Variants in SLC26A8 observed in about 807,000 individuals in gnomAD.
SLC26A8 encodes testis anion transporter 1.
Under a neutral mutation model 105.0 loss-of-function variants are expected in SLC26A8, and 70 were observed. The observed-to-expected ratio is 0.67, with a 90% CI of 0.55 to 0.81. SLC26A8 has a LOEUF of 0.81. Ranked by LOEUF, SLC26A8 falls within the 40% of genes least tolerant of loss-of-function variation. The probability of loss-of-function intolerance (pLI) is 0.00; values close to 1 mark genes in which losing one functional copy is unlikely to be tolerated. For synonymous variants in SLC26A8, 415 were observed against 438.3 expected, an observed-to-expected ratio of 0.95 and a Z score of 0.66; for missense variants, 998 against 1,181.8, an observed-to-expected ratio of 0.84 and a Z score of 2.28.
At chr6:36,008,906 T>G (rs1410996350) in intron 3 of SLC26A8, among the ~76,000 whole-genome samples, 1 of 152,214 alleles carries the variant, frequency 6.6e-6, no homozygotes, top group Non-Finnish European at 1.5e-5. Context: ...ACTGGATCAC[T>G]GATAGATTGC....
intron 1 of SLC26A8, among the ~76,000 whole-genome samples, chr6:36,023,546 CAAAAA>C (rs59633591): frequency 3.1e-5 from 2 of 63,518 alleles, no homozygotes; most frequent in African/African-American, 5.7e-5. Flanking sequence ...GACTCTGTCT[CAAAAA>C]AAAAAAAAAA....
In SLC26A8 at chr6:35,955,367, G is replaced by A; in HGVS notation, c.2017C>T (p.Gln673Ter). The change falls in exon 17 of 20, where the codon CAA becomes TAA. Residue 673 changes from glutamine (Q) to a stop codon, truncating the protein, a stop_gained. Transcript: ENST00000490799. LOFTEE classifies it high-confidence loss of function. The stretch of plus-strand genomic sequence containing the variant: ...TCCACCTCCTCATACTGTTGCCCTT[G>A]ATTTTTCTGAGACACGGACGATACT... ...YTVSSVSQKN[Q>*]GQQYEEVEEV... The A allele has an allele frequency of 6.2e-7, 1 of 1,614,190 alleles. No homozygotes were observed. Among genetic ancestry groups the A allele is most frequent in the East Asian group, 2.2e-5 (1 of 44,892 alleles).
intron 11 of SLC26A8, among the ~76,000 whole-genome samples, chr6:35,967,896 C>G (rs1329156780): frequency 6.6e-6 from 1 of 152,170 alleles, no homozygotes; most frequent in Admixed American, 6.5e-5. Flanking sequence ...CTCGGTCACC[C>G]AGGCTGGAGT....
At position 35,955,459 on chromosome 6, in the gene SLC26A8, A is replaced by G. The variant is rs1371712728; in HGVS notation, c.1925T>C (p.Ile642Thr). The G allele has an allele frequency of 6.2e-7, 1 of 1,614,186 alleles. No individual in the cohort carries two copies. Among genetic ancestry groups the G allele is most frequent in the South Asian group, 1.1e-5 (1 of 91,088 alleles). ...CATGCTCTCAAAATGTGAGCAGTGAATCAGGTTAATGGAGGATGCTTCGGG... is the reference window on the plus strand; with the variant it reads ...CATGCTCTCAAAATGTGAGCAGTGAGTCAGGTTAATGGAGGATGCTTCGGG... ...LDPEASSINL[I>T]HCSHFESMNT... The change falls in exon 17 of 20, where the codon ATT becomes ACT. Residue 642 changes from isoleucine to threonine, a missense_variant. Ile to Thr is a moderately conservative substitution (Grantham distance 89, BLOSUM62 -1). Coordinates refer to ENST00000490799, the MANE Select transcript of SLC26A8 (RefSeq NM_052961.4).
chr6:35,985,018 G>A (rs1014804771), intron 7 of SLC26A8, among the ~76,000 whole-genome samples: 2 of 152,104 alleles, frequency 1.3e-5, no homozygotes, highest in African/African-American at 4.8e-5. Flanking sequence ...TCATTTGCAT[G>A]ACACAGCTTA....
chr6:35,970,213 A>G (rs1231644237), intron 10 of SLC26A8, among the ~76,000 whole-genome samples: 2 of 151,954 alleles, frequency 1.3e-5, no homozygotes, highest in African/African-American at 2.4e-5. Context: ...TGATTCTCTA[A>G]TTTTTCTCTG....
At chr6:36,014,863 C>A in intron 2 of SLC26A8, among the ~76,000 whole-genome samples, 1 of 151,298 alleles carries the variant, frequency 6.6e-6, no homozygotes, top group Admixed American at 6.6e-5. Flanking sequence ...GAGACTCTGG[C>A]TCAAAATAAA....
intron 1 of SLC26A8, among the ~76,000 whole-genome samples, chr6:36,023,511 C>A (rs1269999003): frequency 7.5e-6 from 1 of 134,198 alleles, no homozygotes; most frequent in African/African-American, 2.9e-5. Context: ...CAAACCACTG[C>A]ATTCCAGCCT....
chr6:35,985,432 T>C lies in SLC26A8; in HGVS notation c.943-3229A>G, dbSNP rs71569316. On this transcript the variant is annotated intron_variant, in intron 7 of 19. Transcript: ENST00000490799. Reference sequence around the variant, plus strand: ...AGAGAGGGCTGGGCATGGTGGCTCATGCCTGTAATCCCAGCACTTTGGGAG... The same window carrying C: ...AGAGAGGGCTGGGCATGGTGGCTCACGCCTGTAATCCCAGCACTTTGGGAG... 9.6e-4 allele frequency among the ~76,000 whole-genome samples: 146 copies of C among 152,052 alleles called. 2 individuals carry two copies. The highest frequency in any genetic ancestry group is 1.2e-3 in the Admixed American group (19 of 15,260).
chr6:35,985,530 T>C (rs1773470817), intron 7 of SLC26A8, among the ~76,000 whole-genome samples: 1 of 151,202 alleles, frequency 6.6e-6, no homozygotes, highest in Admixed American at 6.6e-5. Context: ...CCATCTCTAC[T>C]AAAAATAAAA....
At chr6:36,021,504 A>T (rs1383180325) in intron 1 of SLC26A8, among the ~76,000 whole-genome samples, 2 of 152,178 alleles carry the variant, frequency 1.3e-5, no homozygotes, top group Non-Finnish European at 2.9e-5. Flanking sequence ...TCTAGAACCC[A>T]GCATTTTGTT....
chr6:36,024,480 A>G, intron 1 of SLC26A8, 24 bp downstream of exon 1: 1 of 448,638 alleles, frequency 2.2e-6, no homozygotes, highest in Non-Finnish European at 4.4e-6. Context: ...CCCGGCGCCC[A>G]GGCGTCTCCC....
intron 5 of SLC26A8, 77 bp downstream of exon 5, chr6:35,997,661 G>A: frequency 7.3e-7 from 1 of 1,367,552 alleles, no homozygotes; most frequent in South Asian, 1.5e-5. Context: ...TGGATCACAG[G>A]AGCAGTATAA....
chr6:35,999,575 C>G (rs60162213), intron 4 of SLC26A8, among the ~76,000 whole-genome samples: 199 of 152,314 alleles, frequency 1.3e-3, no homozygotes, highest in African/African-American at 4.7e-3. Flanking sequence ...ACTGTGATAA[C>G]ATTTTCTCAC....
At chr6:35,970,988 T>C (rs779121266) in intron 10 of SLC26A8, among the ~76,000 whole-genome samples, 1 of 152,048 alleles carries the variant, frequency 6.6e-6, no homozygotes, top group Non-Finnish European at 1.5e-5. Context: ...ACCTCGCCAA[T>C]GCACTCCAGC....
chr6:36,013,660 A>C (rs1197028135), intron 2 of SLC26A8, among the ~76,000 whole-genome samples: 1 of 152,204 alleles, frequency 6.6e-6, no homozygotes, highest in Non-Finnish European at 1.5e-5. Context: ...TTAATCAACC[A>C]AGAAAACCAA....
intron 10 of SLC26A8, among the ~76,000 whole-genome samples, chr6:35,973,544 T>G (rs1772875938): frequency 6.6e-6 from 1 of 152,076 alleles, no homozygotes; most frequent in African/African-American, 2.4e-5. Context: ...TATAAAATAT[T>G]TTAGCGATTT....
intron 2 of SLC26A8, among the ~76,000 whole-genome samples, chr6:36,015,346 C>G (rs138174926): frequency 8.6e-5 from 13 of 152,006 alleles, no homozygotes; most frequent in Non-Finnish European, 1.8e-4. Context: ...CTCCTGACCT[C>G]GTGATCTGCC....
At chr6:36,007,674 C>G (rs916174692) in intron 3 of SLC26A8, among the ~76,000 whole-genome samples, 2 of 152,096 alleles carry the variant, frequency 1.3e-5, no homozygotes, top group African/African-American at 4.8e-5. Context: ...ATCACTCAAC[C>G]TTAAAACTCA....
Sources: allele counts gnomAD v4.1 joint callset (sites outside exome capture counted in the v4.1 genomes callset), GRCh38; gene constraint gnomAD v4.1.1; transcripts MANE v1.5; gene names NCBI Gene and HGNC (gene_info 2026-07-23, HGNC 2026-07-21).